The following ETHE1 variants were observed in gnomAD, a reference collection of about 807,000 sequenced individuals.
The protein encoded by ETHE1 is persulfide dioxygenase ETHE1, mitochondrial.
Under a neutral mutation model 25.7 loss-of-function variants are expected in ETHE1, and 16 were observed. The observed-to-expected ratio is 0.62, with a 90% CI of 0.42 to 0.95. The LOEUF (loss-of-function observed/expected upper bound fraction) is 0.95. ETHE1 is among the 40% of genes least tolerant of loss of function. The pLI, the probability that ETHE1 is intolerant of heterozygous loss-of-function variation, is 0.00. For synonymous variants in ETHE1, 139 were observed against 135.9 expected (o/e 1.02, Z -0.16); for missense variants, 300 against 333.6 (o/e 0.90, Z 0.79).
At chr19:43,520,207 T>C (rs1972113041) in intron 3 of ETHE1, among the ~76,000 whole-genome samples, 1 of 151,492 alleles carries the variant, frequency 6.6e-6, no homozygotes, top group Non-Finnish European at 1.5e-5. Context: ...TAAAAATCAA[T>C]TAGCTGGGTG....
At chr19:43,512,932 G>A (rs1011736574) in intron 3 of ETHE1, among the ~76,000 whole-genome samples, 3 of 152,204 alleles carry the variant, frequency 2.0e-5, no homozygotes, top group Non-Finnish European at 2.9e-5. Context: ...CATGGGCAGG[G>A]CCCATGGCCT....
At chr19:43,508,346 C>CTTTTTTTTTTTTTT (rs397933393) in intron 5 of ETHE1, among the ~76,000 whole-genome samples, 1 of 124,710 alleles carries the variant, frequency 8.0e-6, no homozygotes, top group African/African-American at 3.0e-5. Flanking sequence ...CACTTTATCT[C>CTTTTTTTTTTTTTT]TTTTTTTTTT....
intron 3 of ETHE1, among the ~76,000 whole-genome samples, chr19:43,514,902 G>A (rs1205886672): frequency 1.3e-5 from 2 of 152,140 alleles, no homozygotes; most frequent in African/African-American, 4.8e-5. Context: ...CTGAATGGCA[G>A]CAACACCATA....
intron 6 of ETHE1, 23 bp from the exon 7 acceptor site, chr19:43,506,925 AAAACTAAGGGGCCTAGGTAG>A: frequency 6.2e-7 from 1 of 1,613,586 alleles, no homozygotes; most frequent in Admixed American, 1.7e-5. Flanking sequence ...AATCAAGGTT[AAAACTAAGGGGCCTAGGTAG>A]AGTTCCAGGC....
chr19:43,515,464 G>A (rs1425233887), intron 3 of ETHE1, among the ~76,000 whole-genome samples: 3 of 151,266 alleles, frequency 2.0e-5, no homozygotes, highest in Non-Finnish European at 4.4e-5. Context: ...CCTCAGAGTG[G>A]AAAATGATAT....
chr19:43,506,983 A>G, intron 6 of ETHE1, 81 bp from the exon 7 acceptor site: 2 of 1,458,076 alleles, frequency 1.4e-6, no homozygotes, highest in Admixed American at 3.5e-5. Flanking sequence ...AATCCTAGGA[A>G]CCTTTCCTCT....
chr19:43,526,229 T>C lies in ETHE1; in HGVS notation c.347A>G (p.Asp116Gly), dbSNP rs1972242549. ...SGAQADLHIE[D>G]GDSIRFGRFA... is the part of the protein sequence containing the mutation. Reference sequence around the variant, plus strand: ...GCGCCCGAAGCGGATGGAGTCTCCATCCTCAATGTGTAAGTCAGCCTGGGC... The same window carrying C: ...GCGCCCGAAGCGGATGGAGTCTCCACCCTCAATGTGTAAGTCAGCCTGGGC... The change falls in exon 3 of 7, where the codon GAT becomes GGT. Residue 116 changes from aspartate to glycine, a missense_variant. Asp to Gly is a moderately conservative substitution (Grantham distance 94). Transcript: ENST00000292147. 6.2e-7 allele frequency: 1 copy of C among 1,613,946 alleles called. No homozygotes were observed. The highest frequency in any genetic ancestry group is 1.7e-5 in the Admixed American group (1 of 59,972).
In ETHE1 at chr19:43,526,322, A is replaced by C; in HGVS notation, c.254T>G (p.Ile85Ser). Residue 85 changes from isoleucine (I) to serine (S), a missense_variant, in exon 3 of 7, where the codon ATT becomes AGT. By Grantham distance (142) the Ile-to-Ser change is moderately radical. Transcript: ENST00000292147. Reference protein sequence around the residue: ...AVNTHCHADHITGSGLLRSLL... With the variant: ...AVNTHCHADHSTGSGLLRSLL... ...GGAACGGAGCAGCCCCGAGCCTGTA[A>C]TGTGGTCCGCGTGGCAGTGGGTATT... 2 of 1,614,126 alleles carry C rather than the reference A, an allele frequency of 1.2e-6. No homozygotes were observed. The highest frequency in any genetic ancestry group is 8.5e-7 in the Non-Finnish European group (1 of 1,180,022).
intron 3 of ETHE1, among the ~76,000 whole-genome samples, chr19:43,515,470 G>T (rs1486113146): frequency 1.3e-5 from 2 of 150,898 alleles, no homozygotes; most frequent in Non-Finnish European, 3.0e-5. Flanking sequence ...AGTGGAAAAT[G>T]ATATTTACAA....
intron 5 of ETHE1, among the ~76,000 whole-genome samples, chr19:43,508,343 T>TCC (rs1491124428): frequency 7.7e-5 from 9 of 116,352 alleles, no homozygotes; most frequent in African/African-American, 2.8e-4. Context: ...AAGCACTTTA[T>TCC]CTCTTTTTTT....
chr19:43,526,296 G>C lies in ETHE1; in HGVS notation c.280C>G (p.Leu94Val). 1 of 1,614,182 alleles carries C rather than the reference G, an allele frequency of 6.2e-7. No homozygotes were observed. Among genetic ancestry groups the C allele is most frequent in the Non-Finnish European group, 8.5e-7 (1 of 1,180,034 alleles). ...ATGACAGACTGGCAGCCAGGGAGGA[G>C]GGAACGGAGCAGCCCCGAGCCTGTA... ...HITGSGLLRS[L>V]LPGCQSVISR... The change falls in exon 3 of 7, where the codon CTC (leucine) becomes GTC (valine). Residue 94 changes from leucine (L) to valine (V), a missense_variant. Physicochemically the swap from Leu to Val is conservative, Grantham distance 32. Coordinates refer to ENST00000292147, the MANE Select transcript of ETHE1 (RefSeq NM_014297.5).
intron 3 of ETHE1, among the ~76,000 whole-genome samples, chr19:43,524,203 C>CAAAT (rs143889889): frequency 1.2e-4 from 18 of 151,890 alleles, no homozygotes; most frequent in African/African-American, 2.7e-4. Flanking sequence ...AACTCCATCT[C>CAAAT]AAATAAATAA....
intron 3 of ETHE1, among the ~76,000 whole-genome samples, chr19:43,516,280 T>G (rs905715903): frequency 6.6e-6 from 1 of 152,120 alleles, no homozygotes; most frequent in African/African-American, 2.4e-5. Flanking sequence ...CATGTGGTCC[T>G]TGACTTAAGA....
At chr19:43,512,450 G>C (rs2355995) in intron 3 of ETHE1, among the ~76,000 whole-genome samples, 77,018 of 151,922 alleles carry the variant, frequency 0.51, 19,600 homozygotes, top group East Asian at 0.59. Context: ...GGTCACTTTT[G>C]TTATGTGTTA....
At chr19:43,508,627 G>C in intron 5 of ETHE1, 148 bp downstream of exon 5, 1 of 736,688 alleles carries the variant, frequency 1.4e-6, no homozygotes, top group East Asian at 2.7e-5. Context: ...ACAAGTGTGA[G>C]CCCCCTTGCC....
chr19:43,513,723 A>AT (rs35743582), intron 3 of ETHE1, among the ~76,000 whole-genome samples: 27,342 of 138,926 alleles, frequency 0.2, 2,747 homozygotes, highest in African/African-American at 0.23. Flanking sequence ...TTTGTTGTTG[A>AT]TTTTTTTTTT....
chr19:43,522,712 C>T (rs1009448131), intron 3 of ETHE1, among the ~76,000 whole-genome samples: 1 of 152,136 alleles, frequency 6.6e-6, no homozygotes, highest in African/African-American at 2.4e-5. Flanking sequence ...AACTCCTGAC[C>T]TCAGGTGATC....
intron 3 of ETHE1, among the ~76,000 whole-genome samples, chr19:43,520,714 A>AAT: frequency 6.6e-6 from 1 of 151,566 alleles, no homozygotes; most frequent in African/African-American, 2.4e-5. Context: ...AAAAAAAAAA[A>AAT]TTTTTTTTCA....
chr19:43,506,829 G>T lies in ETHE1; in HGVS notation c.*21C>A. 2.5e-6 allele frequency: 4 copies of T among 1,610,932 alleles called. No individual in the cohort carries two copies. The highest frequency in any genetic ancestry group is 3.4e-6 in the Non-Finnish European group (4 of 1,177,850). Reference sequence around the variant, plus strand: ...CACCTAGTGCATTAATAGTGGATGGGAGCATCTGACAGAAGTGAGATCAGG... The same window carrying T: ...CACCTAGTGCATTAATAGTGGATGGTAGCATCTGACAGAAGTGAGATCAGG... On this transcript the variant is annotated 3_prime_UTR_variant, in exon 7 of 7. Coordinates refer to ENST00000292147, the MANE Select transcript of ETHE1 (RefSeq NM_014297.5).
Sources: allele counts gnomAD v4.1 joint callset (sites outside exome capture counted in the v4.1 genomes callset), GRCh38; gene constraint gnomAD v4.1.1; transcripts MANE v1.5; gene names NCBI Gene and HGNC (gene_info 2026-07-23, HGNC 2026-07-21).